Variants in CDH18 observed in about 807,000 individuals in gnomAD.
The protein encoded by CDH18 is cadherin 18.
Under a neutral mutation model 67.9 loss-of-function variants are expected in CDH18, and 31 were observed. The observed-to-expected ratio is 0.46, with a 90% CI of 0.34 to 0.62. The LOEUF (loss-of-function observed/expected upper bound fraction) is 0.62, where lower values mean the gene tolerates loss of function less well. Ranked by LOEUF, CDH18 falls within the 20% of genes least tolerant of loss-of-function variation. CDH18 has a pLI of 0.01. For synonymous variants in CDH18, 362 were observed against 347.2 expected (o/e 1.04, Z -0.48); for missense variants, 890 against 975.5 (o/e 0.91, Z 1.17).
intron 2 of CDH18, among the ~76,000 whole-genome samples, chr5:19,890,173 T>C (rs560495711): frequency 1.6e-3 from 239 of 152,256 alleles, no homozygotes; most frequent in South Asian, 6.0e-3. Context: ...TTTTCTGTGC[T>C]GTTACAAGCT....
chr5:19,887,142 G>C (rs1300101336), intron 2 of CDH18, among the ~76,000 whole-genome samples: 1 of 147,500 alleles, frequency 6.8e-6, no homozygotes, highest in Non-Finnish European at 1.5e-5. Context: ...CTAAAAATTT[G>C]TTTTTTTGTT....
In CDH18 at chr5:19,994,855, T is replaced by TATATATATAGAGAGAGAGAGAGAG. The variant is rs760777430; in HGVS notation, c.-517-2842_-517-2841insCTCTCTCTCTCTCTCTATATATAT. ...ATATATATATATATATATATATATA[T>TATATATATAGAGAGAGAGAGAGAG]AGAGAGAGAGAGAGAGAGAGAGATG... On this transcript the variant is annotated intron_variant, in intron 2 of 14. Coordinates refer to the CDH18 transcript ENST00000507958. 2.2e-4 allele frequency among the ~76,000 whole-genome samples: 15 copies of TATATATATAGAGAGAGAGAGAGAG among 67,584 alleles called. 1 individual carries two copies. Among genetic ancestry groups the TATATATATAGAGAGAGAGAGAGAG allele is most frequent in the African/African-American group, 6.6e-4 (9 of 13,598 alleles). 44.3% of individuals were successfully genotyped at this position (67,584 alleles called of 152,430 possible).
intron 2 of CDH18, among the ~76,000 whole-genome samples, chr5:20,102,418 C>T (rs1011204653): frequency 1.3e-5 from 2 of 152,038 alleles, no homozygotes; most frequent in South Asian, 2.1e-4. Context: ...GGATGGCTTC[C>T]GCAAATTATG....
chr5:19,722,351 G>A (rs2150582668), intron 4 of CDH18, among the ~76,000 whole-genome samples: 1 of 152,026 alleles, frequency 6.6e-6, no homozygotes, highest in South Asian at 2.1e-4. Context: ...ACTGCGCACA[G>A]CCAACTGGTC....
At chr5:19,843,930 G>T (rs1175808770) in intron 2 of CDH18, among the ~76,000 whole-genome samples, 1 of 152,164 alleles carries the variant, frequency 6.6e-6, no homozygotes, top group African/African-American at 2.4e-5. Context: ...TCCCATTGGA[G>T]AAGAATTCAA....
intron 2 of CDH18, among the ~76,000 whole-genome samples, chr5:20,144,728 C>A (rs1750507665): frequency 6.6e-6 from 1 of 152,078 alleles, no homozygotes; most frequent in South Asian, 2.1e-4. Context: ...GGATTAAAGT[C>A]AACGCCAGTA....
chr5:20,209,932 A>G (rs1258492061), intron 2 of CDH18, among the ~76,000 whole-genome samples: 1 of 151,626 alleles, frequency 6.6e-6, no homozygotes, highest in Non-Finnish European at 1.5e-5. Flanking sequence ...AGATTATCAC[A>G]TGTACCCCCA....
intron 5 of CDH18, among the ~76,000 whole-genome samples, chr5:19,617,581 T>G (rs1351081827): frequency 3.9e-5 from 6 of 152,226 alleles, no homozygotes; most frequent in Non-Finnish European, 5.9e-5. Flanking sequence ...TACGGCATAT[T>G]CTAAATGTTT....
At chr5:19,893,756 T>A (rs1220085739) in intron 2 of CDH18, among the ~76,000 whole-genome samples, 2 of 152,086 alleles carry the variant, frequency 1.3e-5, no homozygotes, top group Non-Finnish European at 2.9e-5. Flanking sequence ...GCACTTGTTG[T>A]TTGTTATTTT....
At chr5:20,180,268 G>T (rs1236276262) in intron 2 of CDH18, among the ~76,000 whole-genome samples, 1 of 152,128 alleles carries the variant, frequency 6.6e-6, no homozygotes, top group African/African-American at 2.4e-5. Flanking sequence ...ATATGGATAA[G>T]ATAGGGCTAT....
intron 2 of CDH18, among the ~76,000 whole-genome samples, chr5:20,096,199 G>A (rs561377050): frequency 1.6e-4 from 25 of 152,196 alleles, no homozygotes; most frequent in African/African-American, 5.8e-4. Context: ...TTATGAATGC[G>A]TATTCAAAAT....
At chr5:20,291,586 G>A (rs972881679) in intron 1 of CDH18, among the ~76,000 whole-genome samples, 3 of 152,132 alleles carry the variant, frequency 2.0e-5, no homozygotes, top group Non-Finnish European at 4.4e-5. Context: ...TCACTTGGCT[G>A]TATAGAAAGG....
At chr5:20,113,668 G>T (rs1747662757) in intron 2 of CDH18, among the ~76,000 whole-genome samples, 1 of 152,206 alleles carries the variant, frequency 6.6e-6, no homozygotes, top group South Asian at 2.1e-4. Context: ...TAAGGTCAAT[G>T]AGAACGTTTT....
At chr5:20,488,301 A>T (rs977021) in intron 1 of CDH18, among the ~76,000 whole-genome samples, 5,871 of 152,220 alleles carry the variant, frequency 0.039, 369 homozygotes, top group African/African-American at 0.13. Context: ...AGTACAATCA[A>T]GTTAAAAATG....
At chr5:19,497,573 T>C (rs1174564263) in intron 11 of CDH18, among the ~76,000 whole-genome samples, 1 of 152,160 alleles carries the variant, frequency 6.6e-6, no homozygotes, top group African/African-American at 2.4e-5. Context: ...AAAGATCCCA[T>C]GGGAATGGGA....
intron 1 of CDH18, among the ~76,000 whole-genome samples, chr5:20,542,475 A>G (rs1173666016): frequency 6.6e-6 from 1 of 151,584 alleles, no homozygotes; most frequent in African/African-American, 2.4e-5. Context: ...ATGTATACAC[A>G]CACATACAAT....
At chr5:20,075,388 A>G (rs9292858) in intron 2 of CDH18, among the ~76,000 whole-genome samples, 118,131 of 152,010 alleles carry the variant, frequency 0.78, 48,966 homozygotes, top group Non-Finnish European at 0.91. Flanking sequence ...CTGTAGCCCC[A>G]GCTACTTGGG....
At chr5:20,321,582 T>C (rs963137830) in intron 1 of CDH18, among the ~76,000 whole-genome samples, 2 of 152,316 alleles carry the variant, frequency 1.3e-5, no homozygotes, top group South Asian at 2.1e-4. Flanking sequence ...TTCTATTTCA[T>C]TTCTGTGATT....
chr5:20,303,950 T>TTC (rs1184552761), intron 1 of CDH18: 1 of 719,082 alleles, frequency 1.4e-6, no homozygotes, highest in East Asian at 2.5e-5. Flanking sequence ...TATCTGTAAG[T>TTC]TCTTAGAATG....
Sources: allele counts gnomAD v4.1 joint callset (sites outside exome capture counted in the v4.1 genomes callset), GRCh38; gene constraint gnomAD v4.1.1; transcripts MANE v1.5; gene names NCBI Gene and HGNC (gene_info 2026-07-23, HGNC 2026-07-21).